ASAP2: variants seen among roughly 807,000 people sequenced by gnomAD.
ASAP2 encodes ArfGAP with SH3 domain, ankyrin repeat and PH domain 2, also known as arf-GAP with SH3 domain, ANK repeat and PH domain-containing protein 2.
ASAP2 carries 45 observed loss-of-function variants against 131.4 expected under a neutral mutation model. The ratio of observed to expected loss-of-function variants is 0.34; its 90% CI spans 0.27 to 0.44. ASAP2 has a LOEUF of 0.44. Among genes scored for constraint, ASAP2 ranks in the 20% least tolerant of loss-of-function variants. The pLI is 1.00. For synonymous variants in ASAP2, 510 were observed against 503.0 expected (o/e 1.01, Z -0.19); for missense variants, 1,011 against 1,297.0 (o/e 0.78, Z 3.39).
chr2:9,216,935 T>C (rs1357317893), intron 1 of ASAP2, among the ~76,000 whole-genome samples: 2 of 152,128 alleles, frequency 1.3e-5, no homozygotes, highest in East Asian at 1.9e-4. Flanking sequence ...GGGGCACTTA[T>C]TATGTGCCAG....
At chr2:9,228,102 T>C (rs975332283) in intron 1 of ASAP2, among the ~76,000 whole-genome samples, 5 of 152,208 alleles carry the variant, frequency 3.3e-5, no homozygotes, top group African/African-American at 1.2e-4. Flanking sequence ...GTGAATCTTT[T>C]AATATGAGGT....
At chr2:9,381,917 A>G (rs769708328) in intron 20 of ASAP2, among the ~76,000 whole-genome samples, 17 of 152,014 alleles carry the variant, frequency 1.1e-4, no homozygotes, top group Non-Finnish European at 2.4e-4. Flanking sequence ...TAAATGCTAT[A>G]CAAGTGTAAG....
At chr2:9,317,972 A>G (rs900505360) in intron 3 of ASAP2, among the ~76,000 whole-genome samples, 1 of 150,924 alleles carries the variant, frequency 6.6e-6, no homozygotes, top group African/African-American at 2.4e-5. Context: ...GTACACACTC[A>G]TTGACACACA....
intron 24 of ASAP2, among the ~76,000 whole-genome samples, chr2:9,395,210 C>T (rs539426450): frequency 1.3e-3 from 199 of 152,302 alleles, no homozygotes; most frequent in Non-Finnish European, 2.3e-3. Context: ...CCATGGCTCA[C>T]GCCTGTAATC....
chr2:9,393,625 C>T lies in ASAP2; in HGVS notation c.2662C>T (p.Pro888Ser), dbSNP rs535411025. Reference sequence around the variant, plus strand: ...GCCCCCACAGCCGCCCAGCCGCCTCCCGCAGAAGAAGCCTGCGCCGGGGTA... The same window carrying T: ...GCCCCCACAGCCGCCCAGCCGCCTCTCGCAGAAGAAGCCTGCGCCGGGGTA... ...PLPPQPPSRL[P>S]QKKPAPGADK... The change falls in exon 24 of 28, where the codon CCG (proline) becomes TCG (serine). Residue 888 changes from proline (P) to serine (S), a missense_variant. Transcript: ENST00000281419. 2.1e-5 allele frequency: 33 copies of T among 1,584,744 alleles called. No individual in the cohort carries two copies. The highest frequency in any genetic ancestry group is 2.8e-5 in the Non-Finnish European group (33 of 1,168,498).
chr2:9,246,584 C>A (rs1664355152), intron 1 of ASAP2, among the ~76,000 whole-genome samples: 1 of 152,152 alleles, frequency 6.6e-6, no homozygotes, highest in Admixed American at 6.5e-5. Context: ...CACGCCCAGC[C>A]CCACCTGTGT....
chr2:9,387,074 T>TG (rs34753836), intron 21 of ASAP2, among the ~76,000 whole-genome samples: 12,489 of 95,502 alleles, frequency 0.13, 821 homozygotes, highest in Admixed American at 0.2. Context: ...GGCTTGGTGG[T>TG]GGGTGGGGGG....
At chr2:9,257,927 T>C (rs1665280318) in intron 1 of ASAP2, among the ~76,000 whole-genome samples, 1 of 152,210 alleles carries the variant, frequency 6.6e-6, no homozygotes, top group African/African-American at 2.4e-5. Flanking sequence ...TTACTTTCTA[T>C]GTTGTTGCAA....
At chr2:9,384,691 G>A (rs1022421514) in intron 20 of ASAP2, among the ~76,000 whole-genome samples, 3 of 152,234 alleles carry the variant, frequency 2.0e-5, no homozygotes, top group Non-Finnish European at 4.4e-5. Flanking sequence ...GCAAGGTGTG[G>A]GGGAGGGGAC....
chr2:9,267,254 T>G (rs1039175823), intron 1 of ASAP2, among the ~76,000 whole-genome samples: 2 of 152,196 alleles, frequency 1.3e-5, no homozygotes, highest in Non-Finnish European at 2.9e-5. Context: ...ACCCAGGTAC[T>G]GAGCATAGTA....
At chr2:9,334,603 G>C in intron 7 of ASAP2, 135 bp from the exon 8 acceptor site, 2 of 685,044 alleles carry the variant, frequency 2.9e-6, no homozygotes, top group Non-Finnish European at 4.8e-6. Flanking sequence ...GATATTTTAA[G>C]GTTCTGTTCA....
chr2:9,391,322 C>T (rs1675704090), intron 23 of ASAP2, 126 bp downstream of exon 23: 1 of 1,350,930 alleles, frequency 7.4e-7, no homozygotes. Context: ...TGTATGGCTC[C>T]CTGTGGCTCT....
intron 15 of ASAP2, among the ~76,000 whole-genome samples, chr2:9,364,763 A>G (rs951811498): frequency 3.3e-5 from 5 of 152,226 alleles, no homozygotes; most frequent in African/African-American, 1.2e-4. Context: ...CCACCCAGAT[A>G]CTAAAAGCAA....
At chr2:9,289,043 G>A (rs1040433747) in intron 2 of ASAP2, among the ~76,000 whole-genome samples, 1 of 152,272 alleles carries the variant, frequency 6.6e-6, no homozygotes, top group African/African-American at 2.4e-5. Flanking sequence ...TTTCCACCTC[G>A]TGTAATTTAC....
At chr2:9,390,676 A>G (rs1675650505) in intron 22 of ASAP2, among the ~76,000 whole-genome samples, 1 of 152,166 alleles carries the variant, frequency 6.6e-6, no homozygotes, top group Admixed American at 6.5e-5. Flanking sequence ...CCCACAGCCC[A>G]TGGGAAGGAG....
rs983910573 is a variant in ASAP2 at position 9,271,637 on chromosome 2, A to C, written c.127-7680A>C. 8 of 927,412 alleles carry C rather than the reference A, an allele frequency of 8.6e-6. 1 individual carries two copies. The South Asian group carries it at 1.4e-4, about 16-fold the overall frequency. 57.4% of individuals were successfully genotyped at this position (927,412 alleles called of 1,614,324 possible). On this transcript the variant is annotated intron_variant, in intron 1 of 27. Transcript: ENST00000281419. ...TTCTGGATAGTGGACATACGATCCA[A>C]TTTCTTTTTCTCGGTGGAAATGGTC...
intron 1 of ASAP2, among the ~76,000 whole-genome samples, chr2:9,218,473 G>C (rs1450208045): frequency 6.6e-6 from 1 of 152,188 alleles, no homozygotes; most frequent in Non-Finnish European, 1.5e-5. Context: ...GTATTTTGAG[G>C]CTGCCACTGA....
intron 24 of ASAP2, among the ~76,000 whole-genome samples, chr2:9,397,075 A>G (rs770298608): frequency 2.6e-5 from 4 of 152,242 alleles, no homozygotes; most frequent in Non-Finnish European, 4.4e-5. Context: ...GCTGTAATAA[A>G]TGGGCTTTCC....
intron 5 of ASAP2, 149 bp downstream of exon 5, chr2:9,320,486 C>A: frequency 1.6e-6 from 1 of 623,000 alleles, no homozygotes; most frequent in Non-Finnish European, 2.8e-6. Flanking sequence ...ATTTTGATGA[C>A]AGATGTGTTT....
Sources: gnomAD v4.1 joint callset for allele counts (sites outside exome capture counted in the v4.1 genomes callset) on GRCh38, gnomAD v4.1.1 for gene constraint, MANE v1.5 for transcripts, NCBI Gene and HGNC (gene_info 2026-07-23, HGNC 2026-07-21) for gene names.